The following MYH1 variants were observed in gnomAD, a reference collection of about 807,000 sequenced individuals.
MYH1 encodes myosin-1.
In MYH1, 214 loss-of-function variants were observed where a neutral mutation model predicts 225.6. The observed-to-expected ratio is 0.95, with a 90% CI of 0.85 to 1.06. The LOEUF is 1.06. Among genes scored for constraint, MYH1 ranks in the 50% least tolerant of loss-of-function variants. The pLI, the probability that MYH1 is intolerant of heterozygous loss-of-function variation, is 0.00. For synonymous variants in MYH1, 774 were observed against 842.3 expected, an observed-to-expected ratio of 0.92 and a Z score of 1.40; for missense variants, 2,098 against 2,344.2, an observed-to-expected ratio of 0.89 and a Z score of 2.17.
intron 2 of MYH1, among the ~76,000 whole-genome samples, chr17:10,517,707 T>C (rs1308226288): frequency 2.6e-5 from 4 of 152,072 alleles, no homozygotes; most frequent in African/African-American, 9.7e-5. Flanking sequence ...TGTGTATATA[T>C]ACATATGTGT....
At chr17:10,505,712 C>T in intron 19 of MYH1, 100 bp downstream of exon 19, 1 of 1,503,358 alleles carries the variant, frequency 6.7e-7, no homozygotes, top group Non-Finnish European at 9.1e-7. Flanking sequence ...AGTTTATCTT[C>T]TCTTCAATTT....
chr17:10,496,941 T>C (rs1023416551), intron 33 of MYH1, 128 bp downstream of exon 33: 23 of 1,229,332 alleles, frequency 1.9e-5, no homozygotes, highest in Non-Finnish European at 2.5e-5. Context: ...GCATGATCAG[T>C]TCTCCATTCT....
chr17:10,513,508 G>A, intron 9 of MYH1, 118 bp downstream of exon 9: 1 of 985,526 alleles, frequency 1.0e-6, no homozygotes, highest in South Asian at 1.4e-5. Flanking sequence ...TTAACCACAA[G>A]CATGTTTGGC....
chr17:10,513,021 T>C lies in MYH1; in HGVS notation c.806-56A>G, dbSNP rs901261638. ...GGAAAAATTACACAATGTCCTGGAG[T>C]GATTTGAGGACTTGGGATCATTAGC... On this transcript the variant is annotated intron_variant, in intron 9 of 39. Transcript: ENST00000226207. The C allele has an allele frequency of 1.8e-5, 22 of 1,221,442 alleles. No individual in the cohort carries two copies. The African/African-American group carries it at 3.2e-4, about 18-fold the overall frequency. The allele number at this position is 1,221,442 out of a possible 1,614,324, so 75.7% of individuals were successfully genotyped here.
Position 10,497,348 on chromosome 17 carries a change from A to ATTCTTAATC in MYH1, c.4461_4469dup (p.Lys1487_Lys1489dup), listed in dbSNP as rs1567715563. On this transcript the variant is annotated inframe_insertion, in exon 32 of 40. Coordinates refer to ENST00000226207, the MANE Select transcript of MYH1 (RefSeq NM_005963.4). ...GTTGGTCTAAAGATTCCTCATAAGC[A>ATTCTTAATC]TTCTTAATCTTAAATAGTTCTGTGC... 3.1e-6 allele frequency: 5 copies of ATTCTTAATC among 1,613,304 alleles called. No homozygotes were observed. The highest frequency in any genetic ancestry group is 4.2e-6 in the Non-Finnish European group (5 of 1,179,858).
rs1306585371 is a variant in MYH1 at position 10,508,414 on chromosome 17, C to T, written c.1846G>A (p.Ala616Thr). ...ETVVGLYQKS[A>T]MKTLALLFVG... ...AAGAGGAGAGCCAGAGTCTTCATTG[C>T]AGACTTCTGGTACAGCCCCACCACA... The change falls in exon 16 of 40, where the codon GCA (alanine) becomes ACA (threonine). Residue 616 changes from alanine (A) to threonine (T), a missense_variant. Coordinates refer to ENST00000226207, the MANE Select transcript of MYH1 (RefSeq NM_005963.4). The T allele has an allele frequency of 1.9e-6, 3 of 1,613,852 alleles. No individual in the cohort carries two copies. Among genetic ancestry groups the T allele is most frequent in the Admixed American group, 1.7e-5 (1 of 59,998 alleles).
In MYH1 at chr17:10,505,803, A is replaced by C. The variant is rs779813857; in HGVS notation, c.2174+9T>G. 2.5e-6 allele frequency: 4 copies of C among 1,613,466 alleles called. No homozygotes were observed. The African/African-American group carries it at 5.3e-5, about 22-fold the overall frequency. ...CCTCTTAAAATAATTTACAGCAAAA[A>C]TGTCTGACCTCTGTTTGAAGTCTGC... On this transcript the variant is annotated intron_variant, in intron 19 of 39. Transcript: ENST00000226207.
chr17:10,496,001 T>G lies in MYH1; in HGVS notation c.5118A>C (p.Ala1706=), dbSNP rs1192564610. 3 of 1,614,004 alleles carry G rather than the reference T, an allele frequency of 1.9e-6. No individual in the cohort carries two copies. In the African/African-American group the frequency reaches 4.0e-5, roughly 22 times the overall value. Residue 1706 remains alanine (A), a synonymous_variant, in exon 35 of 40, where the codon GCA becomes GCC. Transcript: ENST00000226207. The part of the protein sequence containing the change: ...LEQTERSRKI[A]EQELLDASER... ...CACTGGCATCCAGGAGCTCCTGTTC[T>G]GCGATTTTCCTGCTCCTCTCTGTCT...
In MYH1 at chr17:10,498,788, G is replaced by A. The variant is rs1597435937; in HGVS notation, c.4019C>T (p.Ser1340Phe). Residue 1340 changes from serine (S) to phenylalanine (F), a missense_variant, in exon 30 of 40, where the codon TCC (serine) becomes TTC (phenylalanine). By Grantham distance (155) the Ser-to-Phe change is radical. Transcript: ENST00000226207. ...KSALAHALQSSRHDCDLLREQ... is the reference protein window; with the variant it reads ...KSALAHALQSFRHDCDLLREQ... ...CCGCAGCAGGTCACAGTCATGGCGGGAGGACTGCAGGGCATGTGCCAGGGC... is the reference window on the plus strand; with the variant it reads ...CCGCAGCAGGTCACAGTCATGGCGGAAGGACTGCAGGGCATGTGCCAGGGC... 1 of 1,614,210 alleles carries A rather than the reference G, an allele frequency of 6.2e-7. No individual in the cohort carries two copies. Among genetic ancestry groups the A allele is most frequent in the Non-Finnish European group, 8.5e-7 (1 of 1,180,032 alleles).
chr17:10,504,024 A>C (rs768882042), intron 22 of MYH1, among the ~76,000 whole-genome samples: 3 of 152,228 alleles, frequency 2.0e-5, no homozygotes, highest in Non-Finnish European at 4.4e-5. Context: ...GATTTTCTAA[A>C]TATGTGTCCC....
In MYH1 at chr17:10,501,194, C is replaced by T; in HGVS notation, c.3654G>A (p.Lys1218=). ...CACTCTTCTCCTTCTCCAGCTTCTG[C>T]TTCACTCGCTGCAGGTTGTCAATCT... ...GEQIDNLQRV[K]QKLEKEKSEM... is the part of the protein sequence containing the mutation. The change falls in exon 27 of 40, where the codon AAG becomes AAA. Residue 1218 remains lysine, a synonymous_variant. Transcript: ENST00000226207. 2 of 1,614,150 alleles carry T rather than the reference C, an allele frequency of 1.2e-6. No homozygotes were observed. Among genetic ancestry groups the T allele is most frequent in the Non-Finnish European group, 1.7e-6 (2 of 1,179,998 alleles).
Position 10,496,078 on chromosome 17 carries a change from T to C in MYH1, c.5041A>G (p.Arg1681Gly). ...LKEQLAMVER[R>G]ANLLQAEIEE... is the part of the protein sequence containing the mutation. ...ATCTCAGCCTGCAGCAGGTTGGCTC[T>C]GCGCTCCACCATAGCCAGCTGTTCC... Residue 1681 changes from arginine (R) to glycine (G), a missense_variant, in exon 35 of 40, where the codon AGA becomes GGA. Arg to Gly is a moderately radical substitution (Grantham distance 125, BLOSUM62 -2). Transcript: ENST00000226207. The C allele has an allele frequency of 6.2e-7, 1 of 1,614,170 alleles. No homozygotes were observed. The highest frequency in any genetic ancestry group is 1.1e-5 in the South Asian group (1 of 91,072).
At chr17:10,495,148 A>C (rs770198419) in intron 36 of MYH1, 44 bp downstream of exon 36, 2 of 1,614,122 alleles carry the variant, frequency 1.2e-6, no homozygotes, top group East Asian at 2.2e-5. Context: ...AAGACAGCAC[A>C]TTAAGATTTA....
chr17:10,508,570 T>C lies in MYH1; in HGVS notation c.1690A>G (p.Asn564Asp). The change falls in exon 16 of 40, where the codon AAT becomes GAT. Residue 564 changes from asparagine to aspartate, a missense_variant. By Grantham distance (23) the Asn-to-Asp change is conservative. Transcript: ENST00000226207. ...KLYEQHLGKS[N>D]NFQKPKPAKG... ...GCAGGCTTGGGCTTCTGGAAGTTATTGGATTTTCCAAGATGTTGTTCATAC... is the reference window on the plus strand; with the variant it reads ...GCAGGCTTGGGCTTCTGGAAGTTATCGGATTTTCCAAGATGTTGTTCATAC... 1 of 1,614,186 alleles carries C rather than the reference T, an allele frequency of 6.2e-7. No individual in the cohort carries two copies. Among genetic ancestry groups the C allele is most frequent in the Non-Finnish European group, 8.5e-7 (1 of 1,180,022 alleles).
intron 22 of MYH1, 115 bp downstream of exon 22, chr17:10,504,695 G>A: frequency 8.3e-7 from 1 of 1,207,032 alleles, no homozygotes; most frequent in African/African-American, 1.5e-5. Flanking sequence ...AGGAGTTGTG[G>A]ATTATTAAAG....
intron 11 of MYH1, 60 bp from the exon 12 acceptor site, chr17:10,512,606 T>A (rs1041175845): frequency 6.2e-7 from 1 of 1,611,894 alleles, no homozygotes; most frequent in African/African-American, 1.3e-5. Context: ...CTGTATCTTT[T>A]ACACACATAT....
rs753077778 is a variant in MYH1, at chr17:10,497,308, G to A, written c.4510C>T (p.Arg1504Trp). The stretch of plus-strand genomic sequence containing the variant: ...TCACGTTGCAAATTCTTATTTTCCC[G>A]TTTCAAGGTTTCAAGTTGGTCTAAA... ...ESLDQLETLK[R>W]ENKNLQQEIS... The change falls in exon 32 of 40, where the codon CGG (arginine) becomes TGG (tryptophan). Residue 1504 changes from arginine (R) to tryptophan (W), a missense_variant. Coordinates refer to ENST00000226207, the MANE Select transcript of MYH1 (RefSeq NM_005963.4). The A allele has an allele frequency of 3.0e-5, 48 of 1,604,324 alleles. No individual in the cohort carries two copies. The highest frequency in any genetic ancestry group is 2.0e-4 in the East Asian group (9 of 44,842).
In MYH1 at chr17:10,495,981, G is replaced by A; in HGVS notation, c.5138C>T (p.Ala1713Val). Residue 1713 changes from alanine to valine, a missense_variant, in exon 35 of 40, where the codon GCC (alanine) becomes GTC (valine). Ala to Val is a moderately conservative substitution (Grantham distance 64). Coordinates refer to ENST00000226207, the MANE Select transcript of MYH1 (RefSeq NM_005963.4). ...GTGCAGGAGCTGAACACGCTCACTG[G>A]CATCCAGGAGCTCCTGTTCTGCGAT... ...RKIAEQELLD[A>V]SERVQLLHTQ... 6.2e-7 allele frequency: 1 copy of A among 1,613,976 alleles called. No homozygotes were observed. The highest frequency in any genetic ancestry group is 8.5e-7 in the Non-Finnish European group (1 of 1,180,000).
chr17:10,509,568 C>G lies in MYH1; in HGVS notation c.1504G>C (p.Glu502Gln). The stretch of plus-strand genomic sequence containing the variant: ...TCAATGCCTTCCTTCTTGTACTCCT[C>G]CTGCTCCAGCACGAACATGTGGTGG... ...FNHHMFVLEQEEYKKEGIEWT... is the reference protein window; with the variant it reads ...FNHHMFVLEQQEYKKEGIEWT... Residue 502 changes from glutamate (E) to glutamine (Q), a missense_variant, in exon 15 of 40, where the codon GAG (glutamate) becomes CAG (glutamine). Physicochemically the swap from Glu to Gln is conservative, Grantham distance 29. Coordinates refer to ENST00000226207, the MANE Select transcript of MYH1 (RefSeq NM_005963.4). 1 of 1,614,192 alleles carries G rather than the reference C, an allele frequency of 6.2e-7. No individual in the cohort carries two copies. Among genetic ancestry groups the G allele is most frequent in the Non-Finnish European group, 8.5e-7 (1 of 1,180,036 alleles).
Sources: gnomAD v4.1 joint callset for allele counts (sites outside exome capture counted in the v4.1 genomes callset) on GRCh38, gnomAD v4.1.1 for gene constraint, MANE v1.5 for transcripts, NCBI Gene and HGNC (gene_info 2026-07-23, HGNC 2026-07-21) for gene names.